GGCT: variants seen among roughly 807,000 people sequenced by gnomAD.
GGCT encodes the protein cytochrome c-releasing factor 21.
In GGCT, 20 loss-of-function variants were observed where a neutral mutation model predicts 22.1. The observed-to-expected ratio is 0.91, with a 90% CI of 0.64 to 1.32. The LOEUF (loss-of-function observed/expected upper bound fraction) is 1.32. Ranked by LOEUF, GGCT falls within the 40% of genes most tolerant of loss-of-function variation. GGCT has a pLI of 0.00. For synonymous variants in GGCT, 72 were observed against 78.4 expected (o/e 0.92, Z 0.43); for missense variants, 209 against 223.5 (o/e 0.94, Z 0.41).
chr7:30,500,781 C>T (rs1173310632), intron 1 of GGCT, 100 bp from the exon 2 acceptor site: 8 of 960,782 alleles, frequency 8.3e-6, no homozygotes, highest in Middle Eastern at 6.4e-4. Flanking sequence ...GCAATTAAAA[C>T]AGTCAATAAA....
At chr7:30,498,655 G>A in intron 3 of GGCT, 148 bp downstream of exon 3, 1 of 690,880 alleles carries the variant, frequency 1.4e-6, no homozygotes. Flanking sequence ...CTAACTTCAG[G>A]TGATCTGCCC....
intron 1 of GGCT, among the ~76,000 whole-genome samples, chr7:30,503,019 C>T (rs996009019): frequency 2.0e-5 from 3 of 152,240 alleles, no homozygotes; most frequent in Non-Finnish European, 4.4e-5. Context: ...TTACTAAACT[C>T]CAGCCACACT....
rs772447009 is a variant in GGCT, at chr7:30,497,165, G to T, written c.494C>A (p.Pro165Gln). Residue 165 changes from proline to glutamine, a missense_variant, in exon 4 of 4, where the codon CCA becomes CAA. By Grantham distance (76) the Pro-to-Gln change is moderately conservative (BLOSUM62 -1). Coordinates refer to ENST00000275428, the MANE Select transcript of GGCT (RefSeq NM_024051.4). ...EYQEKLKAIE[P>Q]NDYTGKVSEE... is the part of the protein sequence containing the mutation. ...TGAGACCTTTCCTGTATAGTCATTTGGTTCTATTGCTTTTAACTTCTCTTG... is the reference window on the plus strand; with the variant it reads ...TGAGACCTTTCCTGTATAGTCATTTTGTTCTATTGCTTTTAACTTCTCTTG... The T allele has an allele frequency of 8.1e-6, 13 of 1,608,192 alleles. No homozygotes were observed. Among genetic ancestry groups the T allele is most frequent in the Non-Finnish European group, 1.1e-5 (13 of 1,175,520 alleles).
Position 30,504,770 on chromosome 7 carries a change from A to C in GGCT, c.-61T>G. ...AGTGTAAGGAACGGCCAGAGAGCGC[A>C]ACACTGGGGCCCACTACCCCGGCGC... On this transcript the variant is annotated 5_prime_UTR_variant, in exon 1 of 4. Coordinates refer to ENST00000275428, the MANE Select transcript of GGCT (RefSeq NM_024051.4). The C allele has an allele frequency of 6.5e-7, 1 of 1,549,446 alleles. No individual in the cohort carries two copies.
In GGCT at chr7:30,499,851, A is replaced by G. The variant is rs751882915; in HGVS notation, c.287+685T>C. On this transcript the variant is annotated intron_variant, in intron 2 of 3. Transcript: ENST00000275428. ...TCAATATAGTTTGTTTTTTTTTTCA[A>G]CTTTATACTATGGAAACATTGTTCT... Among the ~76,000 whole-genome samples the G allele has an allele frequency of 2.7e-5, 4 of 150,520 alleles. No individual in the cohort carries two copies. The East Asian group carries it at 5.8e-4, about 22-fold the overall frequency.
Position 30,496,879 on chromosome 7 carries a change from A to G in GGCT, c.*213T>C. ...GGGTACTCACATTCATTTGTCACAT[A>G]TTTCAGGCCCTCATACACCCCTTTT... is the stretch of plus-strand genomic sequence containing the variant. On this transcript the variant is annotated 3_prime_UTR_variant, in exon 4 of 4. Coordinates refer to ENST00000275428, the MANE Select transcript of GGCT (RefSeq NM_024051.4). 2.8e-6 allele frequency: 1 copy of G among 352,304 alleles called. No individual in the cohort carries two copies. Among genetic ancestry groups the G allele is most frequent in the Non-Finnish European group, 5.1e-6 (1 of 196,554 alleles). 21.8% of individuals were successfully genotyped at this position (352,304 alleles called of 1,614,324 possible). A position where few individuals can be genotyped will look rare whatever the true frequency, so the allele number is the denominator to read the frequency against.
rs1184281863 is a variant in GGCT at position 30,498,878 on chromosome 7, T to C, written c.348A>G (p.Glu116=). ...VVIEVKVATQ[E]GKEITCRSYL... ...AACTTCGACAGGTTATTTCTTTTCC[T>C]TCTTGAGTTGCAACTTTAACTTCTA... is the stretch of plus-strand genomic sequence containing the variant. Residue 116 remains glutamate (E), a synonymous_variant, in exon 3 of 4, where the codon GAA becomes GAG. Coordinates refer to ENST00000275428, the MANE Select transcript of GGCT (RefSeq NM_024051.4). The C allele has an allele frequency of 6.2e-7, 1 of 1,613,228 alleles. No individual in the cohort carries two copies. Among genetic ancestry groups the C allele is most frequent in the Non-Finnish European group, 8.5e-7 (1 of 1,179,150 alleles).
rs772398202 is a variant in GGCT at position 30,504,758 on chromosome 7, G to C, written c.-49C>G. ...AGCCTGAAGCAGAGTGTAAGGAACG[G>C]CCAGAGAGCGCAACACTGGGGCCCA... On this transcript the variant is annotated 5_prime_UTR_variant, in exon 1 of 4. Transcript: ENST00000275428. 2 of 1,589,918 alleles carry C rather than the reference G, an allele frequency of 1.3e-6. No individual in the cohort carries two copies. The highest frequency in any genetic ancestry group is 1.7e-6 in the Non-Finnish European group (2 of 1,159,444).
chr7:30,498,220 G>A (rs38406), intron 3 of GGCT, among the ~76,000 whole-genome samples: 128,675 of 150,678 alleles, frequency 0.85, 55,464 homozygotes, highest in African/African-American at 0.97. Context: ...AAAAGAAAGG[G>A]AGAAAATACA....
chr7:30,498,683 T>C, intron 3 of GGCT, 120 bp downstream of exon 3: 1 of 839,378 alleles, frequency 1.2e-6, no homozygotes, highest in Non-Finnish European at 1.9e-6. Flanking sequence ...CCTTCCAAAG[T>C]GGTGGCATTA....
rs534171650 is a variant in GGCT, at chr7:30,498,941, G to T, written c.288-3C>A. On this transcript the variant is annotated splice_region_variant and splice_polypyrimidine_tract_variant and intron_variant, in intron 2 of 3. Transcript: ENST00000275428. ...TTCCACTTTTAACCCCTTCTTGCCT[G>T]AAACCAGAACAGCCAAATTTTAACC... 5.6e-6 allele frequency: 9 copies of T among 1,613,760 alleles called. No individual in the cohort carries two copies.
intron 3 of GGCT, among the ~76,000 whole-genome samples, chr7:30,498,474 T>C (rs38408): frequency 0.66 from 99,935 of 152,088 alleles, 33,499 homozygotes; most frequent in Non-Finnish European, 0.72. Flanking sequence ...GGCTGGAGTG[T>C]GGTGGCCTGA....
In GGCT at chr7:30,500,537, C is replaced by T; in HGVS notation, c.286G>A (p.Glu96Lys). The change falls in exon 2 of 4, where the codon GAG becomes AAG. Residue 96 changes from glutamate to lysine, a missense_variant and splice_region_variant. Glu to Lys is a moderately conservative substitution (Grantham distance 56, BLOSUM62 1). Transcript: ENST00000275428. ...AACTTATAATTAGAAGCCACCTACT[C>T]ATCCAGAGAATTTAAATTGCTTTTG... ...MNKSNLNSLD[E>K]QEGVKSGMYV... The T allele has an allele frequency of 1.9e-6, 3 of 1,610,928 alleles. No individual in the cohort carries two copies. The highest frequency in any genetic ancestry group is 1.7e-4 in the Middle Eastern group (1 of 6,034).
chr7:30,499,237 A>G (rs1252082158), intron 2 of GGCT, among the ~76,000 whole-genome samples: 1 of 151,354 alleles, frequency 6.6e-6, no homozygotes, highest in Non-Finnish European at 1.5e-5. Flanking sequence ...GTGAAACGCC[A>G]TCTCCACTAA....
At position 30,504,565 on chromosome 7, in the gene GGCT, T is replaced by C; in HGVS notation, c.141+4A>G. ...GCGTGGGTAGCGCGGGAGGGGGCACTCACCTGCAGGCGGGCCACACAGAAG... is the reference window on the plus strand; with the variant it reads ...GCGTGGGTAGCGCGGGAGGGGGCACCCACCTGCAGGCGGGCCACACAGAAG... On this transcript the variant is annotated splice_donor_region_variant and intron_variant, in intron 1 of 3. Transcript: ENST00000275428. 1 of 1,613,384 alleles carries C rather than the reference T, an allele frequency of 6.2e-7. No individual in the cohort carries two copies.
rs1789791365 is a variant in GGCT, at chr7:30,504,704, G to A, written c.6C>T (p.Ala2=). 2.5e-6 allele frequency: 4 copies of A among 1,614,090 alleles called. No homozygotes were observed. Among genetic ancestry groups the A allele is most frequent in the Non-Finnish European group, 1.7e-6 (2 of 1,179,936 alleles). Reference sequence around the variant, plus strand: ...CCGTGACGTCCTTGCAGCCCGAGTTGGCCATATCCCACTACGCCCCTGCAC... The same window carrying A: ...CCGTGACGTCCTTGCAGCCCGAGTTAGCCATATCCCACTACGCCCCTGCAC... M[A]NSGCKDVTGP... The change falls in exon 1 of 4, where the codon GCC becomes GCT. Residue 2 remains alanine (A), a synonymous_variant. Coordinates refer to ENST00000275428, the MANE Select transcript of GGCT (RefSeq NM_024051.4).
intron 1 of GGCT, among the ~76,000 whole-genome samples, chr7:30,502,981 T>A (rs1272384421): frequency 1.3e-5 from 2 of 152,216 alleles, no homozygotes; most frequent in Non-Finnish European, 2.9e-5. Context: ...CCCTTCCACA[T>A]ATCTCCAGTC....
intron 2 of GGCT, among the ~76,000 whole-genome samples, chr7:30,500,097 T>TCTA (rs1053443795): frequency 5.9e-5 from 9 of 152,256 alleles, no homozygotes; most frequent in African/African-American, 1.9e-4. Flanking sequence ...TCAAAGCATT[T>TCTA]CTAACATGTC....
At chr7:30,500,438 T>C (rs1732998007) in intron 2 of GGCT, 98 bp downstream of exon 2, 2 of 868,174 alleles carry the variant, frequency 2.3e-6, no homozygotes, top group Non-Finnish European at 3.7e-6. Flanking sequence ...ATGTCTGTAG[T>C]ATGTGGTTTT....
Sources: allele counts gnomAD v4.1 joint callset (sites outside exome capture counted in the v4.1 genomes callset), GRCh38; gene constraint gnomAD v4.1.1; transcripts MANE v1.5; gene names NCBI Gene and HGNC (gene_info 2026-07-23, HGNC 2026-07-21).